Variants in LMNB1 observed in about 807,000 individuals in gnomAD.
The protein encoded by LMNB1 is lamin-B1.
LMNB1 carries 23 observed loss-of-function variants against 67.1 expected under a neutral mutation model. The ratio of observed to expected loss-of-function variants is 0.34; its 90% confidence interval spans 0.25 to 0.49. LMNB1 has a LOEUF of 0.49. Among genes scored for constraint, LMNB1 ranks in the 20% least tolerant of loss-of-function variants. The probability of loss-of-function intolerance (pLI) is 0.99; values close to 1 mark genes in which losing one functional copy is unlikely to be tolerated. For missense variants in LMNB1, 634 were observed against 746.5 expected (o/e 0.85, Z 1.76); for synonymous variants, 281 against 282.9 (o/e 0.99, Z 0.07).
At chr5:126,804,532 T>A (rs911501405) in intron 1 of LMNB1, among the ~76,000 whole-genome samples, 2 of 152,222 alleles carry the variant, frequency 1.3e-5, no homozygotes, top group Non-Finnish European at 2.9e-5. Context: ...AGCAGGATTC[T>A]GGTACATTGG....
intron 4 of LMNB1, among the ~76,000 whole-genome samples, chr5:126,811,003 T>C (rs1333299583): frequency 6.6e-6 from 1 of 152,256 alleles, no homozygotes; most frequent in Non-Finnish European, 1.5e-5. Context: ...TGTGGTTGAC[T>C]TAGAATATTA....
chr5:126,822,681 C>T (rs952356554), intron 7 of LMNB1, 100 bp from the exon 8 acceptor site: 3 of 624,246 alleles, frequency 4.8e-6, no homozygotes, highest in African/African-American at 1.9e-5. Flanking sequence ...GACCATAAAG[C>T]GGTCTTAGTT....
chr5:126,816,122 A>G (rs1003244284), intron 5 of LMNB1, among the ~76,000 whole-genome samples: 6 of 152,084 alleles, frequency 3.9e-5, no homozygotes, highest in Admixed American at 1.3e-4. Context: ...TTTGGAGAAA[A>G]AGAAAATACA....
intron 1 of LMNB1, among the ~76,000 whole-genome samples, chr5:126,784,525 T>G (rs1381025543): frequency 6.6e-6 from 1 of 151,262 alleles, no homozygotes; most frequent in Non-Finnish European, 1.5e-5. Flanking sequence ...CCGGCTAATT[T>G]TTTGTATTTT....
chr5:126,834,908 G>T (rs1359545603), intron 10 of LMNB1, among the ~76,000 whole-genome samples: 1 of 152,094 alleles, frequency 6.6e-6, no homozygotes, highest in Non-Finnish European at 1.5e-5. Flanking sequence ...AACTATATCC[G>T]CTCATCCAGT....
intron 1 of LMNB1, among the ~76,000 whole-genome samples, chr5:126,792,206 G>A (rs1422777423): frequency 6.8e-6 from 1 of 147,418 alleles, no homozygotes; most frequent in African/African-American, 2.5e-5. Flanking sequence ...ACAGCGGCAT[G>A]ATCCCAGCTC....
chr5:126,798,782 T>TGTGTGTGTGTGTGTGC (rs927792414), intron 1 of LMNB1, among the ~76,000 whole-genome samples: 1 of 151,828 alleles, frequency 6.6e-6, no homozygotes, highest in African/African-American at 2.4e-5. Context: ...TGTGTGTGTG[T>TGTGTGTGTGTGTGTGC]GTGCGTGTGC....
chr5:126,826,041 G>A lies in LMNB1; in HGVS notation c.1545G>A (p.Trp515Ter), dbSNP rs756019046. Residue 515 changes from tryptophan (W) to a stop codon, truncating the protein, a stop_gained, in exon 9 of 11, where the codon TGG becomes TGA. Transcript: ENST00000261366. LOFTEE classifies it high-confidence loss of function. Reference sequence around the variant, plus strand: ...CCAGCCCCCCAACTGACCTCATCTGGAAGAACCAGAACTCGTGGGGCACTG... The same window carrying A: ...CCAGCCCCCCAACTGACCTCATCTGAAAGAACCAGAACTCGTGGGGCACTG... ...VTASPPTDLIWKNQNSWGTGE... is the reference protein window; with the variant it reads ...VTASPPTDLI 1.2e-6 allele frequency: 2 copies of A among 1,614,032 alleles called. No individual in the cohort carries two copies. Among genetic ancestry groups the A allele is most frequent in the African/African-American group, 1.3e-5 (1 of 75,032 alleles).
At chr5:126,804,116 C>T (rs1265749535) in intron 1 of LMNB1, among the ~76,000 whole-genome samples, 2 of 151,716 alleles carry the variant, frequency 1.3e-5, no homozygotes, top group African/African-American at 2.4e-5. Flanking sequence ...GTCTACTGCC[C>T]AGCTGCAGTA....
At position 126,777,748 on chromosome 5, in the gene LMNB1, G is replaced by A; in HGVS notation, c.240G>A (p.Ala80=). 8.5e-6 allele frequency: 13 copies of A among 1,536,034 alleles called. No individual in the cohort carries two copies. Among genetic ancestry groups the A allele is most frequent in the Non-Finnish European group, 1.1e-5 (13 of 1,140,078 alleles). Residue 80 remains alanine, a synonymous_variant, in exon 1 of 11, where the codon GCG becomes GCA. Coordinates refer to ENST00000261366, the MANE Select transcript of LMNB1 (RefSeq NM_005573.4). ...GCCGTGAGCTCACCGGCCTCAAGGC[G>A]CTCTACGAGACCGAGCTGGCCGACG... The part of the protein sequence containing the change: ...VRGRELTGLK[A]LYETELADAR...
At chr5:126,784,230 T>C (rs951699547) in intron 1 of LMNB1, among the ~76,000 whole-genome samples, 3 of 151,804 alleles carry the variant, frequency 2.0e-5, no homozygotes, top group African/African-American at 7.2e-5. Context: ...GGTTTTTCCA[T>C]GTTGGTCAGG....
chr5:126,806,331 C>T (rs1751429180), intron 3 of LMNB1, among the ~76,000 whole-genome samples: 1 of 152,218 alleles, frequency 6.6e-6, no homozygotes, highest in African/African-American at 2.4e-5. Flanking sequence ...TTATCTATTC[C>T]TGCCTAACAA....
At chr5:126,782,051 C>T (rs1750646068) in intron 1 of LMNB1, among the ~76,000 whole-genome samples, 1 of 152,038 alleles carries the variant, frequency 6.6e-6, no homozygotes, top group Admixed American at 6.6e-5. Context: ...AGAACAGTTT[C>T]CAAAAATGAT....
intron 1 of LMNB1, among the ~76,000 whole-genome samples, chr5:126,784,014 ATTTTTTTTTTTT>A (rs61578729): frequency 1.5e-4 from 9 of 59,436 alleles, no homozygotes; most frequent in African/African-American, 5.7e-4. Context: ...CTGTCATTTG[ATTTTTTTTTTTT>A]TTTTTTTTTT....
intron 1 of LMNB1, among the ~76,000 whole-genome samples, chr5:126,794,370 G>A (rs980013904): frequency 6.6e-6 from 1 of 152,142 alleles, no homozygotes; most frequent in Non-Finnish European, 1.5e-5. Flanking sequence ...AGTGGCTGTT[G>A]GAGCAAATGC....
At position 126,777,806 on chromosome 5, in the gene LMNB1, C is replaced by T. The variant is rs1357089046; in HGVS notation, c.298C>T (p.Arg100Cys). The part of the protein sequence containing the change: ...RRALDDTARE[R>C]AKLQIELGKC... ...CGCGCTCGACGACACGGCCCGCGAG[C>T]GCGCCAAGCTGCAGATCGAGCTGGG... Residue 100 changes from arginine (R) to cysteine (C), a missense_variant, in exon 1 of 11, where the codon CGC becomes TGC. Coordinates refer to ENST00000261366, the MANE Select transcript of LMNB1 (RefSeq NM_005573.4). 3 of 1,489,456 alleles carry T rather than the reference C, an allele frequency of 2.0e-6. No individual in the cohort carries two copies. The highest frequency in any genetic ancestry group is 2.7e-5 in the East Asian group (1 of 36,806). 92.3% of individuals were successfully genotyped at this position (1,489,456 alleles called of 1,614,324 possible). A position where few individuals can be genotyped will look rare whatever the true frequency, so the allele number is the denominator to read the frequency against.
At position 126,804,538 on chromosome 5, in the gene LMNB1, A is replaced by G. The variant is rs964234097; in HGVS notation, c.360-238A>G. Among the ~76,000 whole-genome samples the G allele has an allele frequency of 3.6e-4, 55 of 152,318 alleles. No homozygotes were observed. The Middle Eastern group carries it at 0.01, about 28-fold the overall frequency. The stretch of plus-strand genomic sequence containing the variant: ...TCAAGGACAAGCAGGATTCTGGTAC[A>G]TTGGTCTTTAATATGGACGTCTTTG... On this transcript the variant is annotated intron_variant, in intron 1 of 10. Transcript: ENST00000261366.
intron 1 of LMNB1, among the ~76,000 whole-genome samples, chr5:126,795,596 A>G (rs1051764919): frequency 1.3e-5 from 2 of 152,018 alleles, no homozygotes; most frequent in Non-Finnish European, 1.5e-5. Context: ...TTTTCCAGCG[A>G]TTCTGTGATT....
chr5:126,777,358 C>T lies in LMNB1; in HGVS notation c.-151C>T, dbSNP rs536797067. 51 of 882,356 alleles carry T rather than the reference C, an allele frequency of 5.8e-5. No homozygotes were observed. The highest frequency in any genetic ancestry group is 7.5e-5 in the Non-Finnish European group (50 of 670,726). The allele number at this position is 882,356 out of a possible 1,614,324, so 54.7% of individuals were successfully genotyped here. A position where few individuals can be genotyped will look rare whatever the true frequency, so the allele number is the denominator to read the frequency against. On this transcript the variant is annotated 5_prime_UTR_variant, in exon 1 of 11. Transcript: ENST00000261366. ...TGCTGTAATCGAGCTCCCGCCATCC[C>T]AGGTGCTTCTCCGTTCCTCTAAACG...
Sources: gnomAD v4.1 joint callset for allele counts (sites outside exome capture counted in the v4.1 genomes callset) on GRCh38, gnomAD v4.1.1 for gene constraint, MANE v1.5 for transcripts, NCBI Gene and HGNC (gene_info 2026-07-23, HGNC 2026-07-21) for gene names.